The following GRAMD1B variants were observed in gnomAD, a reference collection of about 807,000 sequenced individuals.
GRAMD1B encodes GRAM domain containing 1B, also known as protein Aster-B.
GRAMD1B carries 37 observed loss-of-function variants against 99.7 expected under a neutral mutation model. The observed-to-expected ratio is 0.37, with a 90% CI of 0.29 to 0.49. The LOEUF (loss-of-function observed/expected upper bound fraction) is 0.49, where lower values mean the gene tolerates loss of function less well. Among genes scored for constraint, GRAMD1B ranks in the 20% least tolerant of loss-of-function variants. The pLI, the probability that GRAMD1B is intolerant of heterozygous loss-of-function variation, is 0.98. For synonymous variants in GRAMD1B, 427 were observed against 387.6 expected (o/e 1.10, Z -1.19); for missense variants, 888 against 1,009.2 (o/e 0.88, Z 1.63).
At chr11:123,536,525 G>A (rs1943976850) in intron 2 of GRAMD1B, among the ~76,000 whole-genome samples, 1 of 152,196 alleles carries the variant, frequency 6.6e-6, no homozygotes, top group Non-Finnish European at 1.5e-5. Context: ...AATTCGTGTT[G>A]ATGCTCTTGG....
intron 1 of GRAMD1B, among the ~76,000 whole-genome samples, chr11:123,363,157 C>T (rs1349809436): frequency 2.6e-5 from 4 of 152,136 alleles, no homozygotes; most frequent in African/African-American, 7.2e-5. Flanking sequence ...GCAAGCGAGC[C>T]AGCAGAACAG....
chr11:123,595,882 A>T, intron 6 of GRAMD1B, 60 bp from the exon 7 acceptor site: 1 of 910,078 alleles, frequency 1.1e-6, no homozygotes. Flanking sequence ...AACACTGTTT[A>T]CCTGACTTAC....
chr11:123,574,654 G>A (rs947515871), intron 2 of GRAMD1B, among the ~76,000 whole-genome samples: 22 of 152,190 alleles, frequency 1.4e-4, no homozygotes, highest in African/African-American at 5.1e-4. Flanking sequence ...GGCAGTCGTG[G>A]GAGGAGGTCT....
At chr11:123,516,370 G>A (rs1193011336) in intron 2 of GRAMD1B, among the ~76,000 whole-genome samples, 1 of 152,168 alleles carries the variant, frequency 6.6e-6, no homozygotes, top group African/African-American at 2.4e-5. Flanking sequence ...CTAACCTTAG[G>A]GCGCTGTTGA....
intron 1 of GRAMD1B, among the ~76,000 whole-genome samples, chr11:123,410,834 C>A (rs1948021643): frequency 6.6e-6 from 1 of 152,076 alleles, no homozygotes; most frequent in African/African-American, 2.4e-5. Context: ...ACTTAATTAC[C>A]AAGTGACTTC....
chr11:123,472,192 C>A lies in GRAMD1B; in HGVS notation c.375-8624C>A, dbSNP rs546630807. Among the ~76,000 whole-genome samples, 26 of 150,126 alleles carry A rather than the reference C, an allele frequency of 1.7e-4. No homozygotes were observed. In the East Asian group the frequency reaches 4.9e-3, roughly 28 times the overall value. On this transcript the variant is annotated intron_variant, in intron 1 of 19. Transcript: ENST00000635736. ...GCAGTGAGCCAAGATCATGCCACTG[C>A]ACTCCAGCCTGGGCAATGGAGCAAG...
chr11:123,396,376 A>G (rs1947464530), intron 1 of GRAMD1B, among the ~76,000 whole-genome samples: 2 of 151,700 alleles, frequency 1.3e-5, no homozygotes, highest in South Asian at 4.2e-4. Context: ...CCCAGGTTTA[A>G]GCAATTCTCC....
rs928449513 is a variant in GRAMD1B at position 123,388,621 on chromosome 11, C to T, written c.-176+29822C>T. Among the ~76,000 whole-genome samples the T allele has an allele frequency of 5.9e-5, 9 of 152,148 alleles. No homozygotes were observed. The East Asian group carries it at 1.7e-3, about 29-fold the overall frequency. On this transcript the variant is annotated intron_variant, in intron 1 of 20. Coordinates refer to the GRAMD1B transcript ENST00000638157. Reference sequence around the variant, plus strand: ...CCAGGGAGGTTGAAGCTGCAGTGAGCTAAGATTGCACCATTGCCCTACTCC... The same window carrying T: ...CCAGGGAGGTTGAAGCTGCAGTGAGTTAAGATTGCACCATTGCCCTACTCC...
intron 1 of GRAMD1B, among the ~76,000 whole-genome samples, chr11:123,480,456 G>A (rs929529959): frequency 1.2e-4 from 18 of 152,116 alleles, no homozygotes; most frequent in African/African-American, 3.9e-4. Context: ...GTGGGCTGAG[G>A]AGAATGGGAT....
intron 2 of GRAMD1B, among the ~76,000 whole-genome samples, chr11:123,570,421 C>CTTTTTTTTTTTTTT (rs755038860): frequency 1.5e-5 from 2 of 130,578 alleles, no homozygotes; most frequent in Non-Finnish European, 3.2e-5. Flanking sequence ...TTTTTCTTTT[C>CTTTTTTTTTTTTTT]TTTTTTTTTT....
intron 1 of GRAMD1B, among the ~76,000 whole-genome samples, chr11:123,452,244 A>G (rs762485633): frequency 1.3e-5 from 2 of 152,242 alleles, no homozygotes; most frequent in South Asian, 2.1e-4. Context: ...AAGGAAAAAC[A>G]TATAATAAAA....
At chr11:123,465,448 A>G (rs1458811238) in intron 1 of GRAMD1B, among the ~76,000 whole-genome samples, 1 of 152,180 alleles carries the variant, frequency 6.6e-6, no homozygotes, top group African/African-American at 2.4e-5. Flanking sequence ...GAAGCTCTGA[A>G]TGGTAGTTGT....
chr11:123,537,030 G>A lies in GRAMD1B; in HGVS notation c.453-40337G>A, dbSNP rs150741057. On this transcript the variant is annotated intron_variant, in intron 2 of 19. Transcript: ENST00000635736. ...ACAAGACCTTTAATATTCTTCCTGAGTTTCCACTGGATTCTTTCTGCCCCG... is the reference window on the plus strand; with the variant it reads ...ACAAGACCTTTAATATTCTTCCTGAATTTCCACTGGATTCTTTCTGCCCCG... Among the ~76,000 whole-genome samples the A allele has an allele frequency of 4.3e-3, 661 of 152,290 alleles. 1 individual carries two copies. Among genetic ancestry groups the A allele is most frequent in the African/African-American group, 0.015 (628 of 41,560 alleles).
rs1950610133 is a variant in GRAMD1B at position 123,591,207 on chromosome 11, T to G, written c.685-2875T>G. 2.6e-6 allele frequency: 1 copy of G among 387,114 alleles called. No individual in the cohort carries two copies. The highest frequency in any genetic ancestry group is 4.6e-6 in the Non-Finnish European group (1 of 219,206). 24.0% of individuals were successfully genotyped at this position (387,114 alleles called of 1,614,324 possible). On this transcript the variant is annotated intron_variant, in intron 4 of 19. Coordinates refer to ENST00000635736, the MANE Select transcript of GRAMD1B (RefSeq NM_001387025.1). This position sits in a 1 kb window ranked among gnomAD's most constrained non-coding sequence, Gnocchi z 4.7. ...ACCTCGGCTCACTTGTGAAGCTTCA[T>G]GCTGGGCATGCAGCTCTAGGAGCAG...
chr11:123,388,539 TG>T (rs1947155718), intron 1 of GRAMD1B, among the ~76,000 whole-genome samples: 1 of 151,998 alleles, frequency 6.6e-6, no homozygotes, highest in Admixed American at 6.6e-5. Flanking sequence ...CCTGGCATGG[TG>T]GCACATACCT....
chr11:123,560,603 G>A, intron 2 of GRAMD1B: 2 of 528,842 alleles, frequency 3.8e-6, no homozygotes, highest in South Asian at 3.0e-5. Context: ...GAATGAATGA[G>A]TTCCTCTCTG....
chr11:123,550,491 A>G (rs2135847439), intron 2 of GRAMD1B, among the ~76,000 whole-genome samples: 1 of 152,152 alleles, frequency 6.6e-6, no homozygotes. Context: ...GAACCTAACA[A>G]TAGTGTTTTC....
chr11:123,468,970 A>G (rs544811355), intron 1 of GRAMD1B, among the ~76,000 whole-genome samples: 1 of 152,158 alleles, frequency 6.6e-6, no homozygotes, highest in South Asian at 2.1e-4. Context: ...CCCCAAGAAC[A>G]TAGATGCTAT....
At chr11:123,512,537 T>C (rs889824092) in intron 2 of GRAMD1B, among the ~76,000 whole-genome samples, 2 of 152,078 alleles carry the variant, frequency 1.3e-5, no homozygotes, top group African/African-American at 4.8e-5. Flanking sequence ...GACGAATCAT[T>C]CCTTTTTTAT....
Sources: gnomAD v4.1 joint callset for allele counts (sites outside exome capture counted in the v4.1 genomes callset) on GRCh38, gnomAD v4.1.1 for gene constraint, Gnocchi (gnomAD v3.1) non-coding constraint, MANE v1.5 for transcripts, NCBI Gene and HGNC (gene_info 2026-07-23, HGNC 2026-07-21) for gene names.